SNTB2: variants seen among roughly 807,000 people sequenced by gnomAD.
SNTB2 encodes the protein beta-2-syntrophin.
SNTB2 carries 34 observed loss-of-function variants against 46.2 expected under a neutral mutation model. The ratio of observed to expected loss-of-function variants is 0.74; its 90% confidence interval spans 0.56 to 0.98. The LOEUF (loss-of-function observed/expected upper bound fraction) is 0.98. Ranked by LOEUF, SNTB2 falls within the 50% of genes least tolerant of loss-of-function variation. The pLI, the probability that SNTB2 is intolerant of heterozygous loss-of-function variation, is 0.00. For missense variants in SNTB2, 603 were observed against 731.4 expected (o/e 0.82, Z 2.02); for synonymous variants, 290 against 312.6 (o/e 0.93, Z 0.76).
At chr16:69,286,549 G>GCTAAATTTAGC in intron 5 of SNTB2, among the ~76,000 whole-genome samples, 1 of 152,068 alleles carries the variant, frequency 6.6e-6, no homozygotes, top group East Asian at 1.9e-4. Flanking sequence ...GCTGGGAGTG[G>GCTAAATTTAGC]TGACACACAT....
chr16:69,215,406 G>T (rs1215583805), intron 1 of SNTB2, among the ~76,000 whole-genome samples: 1 of 152,080 alleles, frequency 6.6e-6, no homozygotes. Context: ...AAAAAGAAAA[G>T]TGAGATGTTT....
chr16:69,192,263 G>A (rs952817879), intron 1 of SNTB2, among the ~76,000 whole-genome samples: 1 of 152,202 alleles, frequency 6.6e-6, no homozygotes, highest in African/African-American at 2.4e-5. Flanking sequence ...CAATTCAAGA[G>A]ATACTTTAAA....
At chr16:69,226,346 C>T (rs962593407) in intron 1 of SNTB2, among the ~76,000 whole-genome samples, 1 of 150,814 alleles carries the variant, frequency 6.6e-6, no homozygotes, top group Non-Finnish European at 1.5e-5. Context: ...GCTGGGATTA[C>T]AGGCGTGAGC....
At chr16:69,240,315 A>G (rs997968484) in intron 1 of SNTB2, among the ~76,000 whole-genome samples, 4 of 152,228 alleles carry the variant, frequency 2.6e-5, no homozygotes, top group Admixed American at 6.5e-5. Flanking sequence ...TTCAAGGTTC[A>G]TGTCACCAGA....
Position 69,307,986 on chromosome 16 carries a change from G to C in SNTB2, c.*7062G>C, listed in dbSNP as rs1015896991. The C allele has an allele frequency of 6.6e-6, 1 of 152,180 alleles. No individual in the cohort carries two copies. Among genetic ancestry groups the C allele is most frequent in the African/African-American group, 2.4e-5 (1 of 41,420 alleles). 9.4% of individuals were successfully genotyped at this position (152,180 alleles called of 1,614,324 possible). ...TGCCTTCCATTTATCTCTAGGGTTA[G>C]CTTTTCAGGCAACATCCTTGGTCAT... On this transcript the variant is annotated 3_prime_UTR_variant, in exon 7 of 7. Coordinates refer to ENST00000336278, the MANE Select transcript of SNTB2 (RefSeq NM_006750.4).
At chr16:69,265,112 G>A (rs962153518) in intron 3 of SNTB2, among the ~76,000 whole-genome samples, 1 of 152,084 alleles carries the variant, frequency 6.6e-6, no homozygotes, top group Non-Finnish European at 1.5e-5. Flanking sequence ...AGCTGGGTGT[G>A]GTGGCGGGCG....
At chr16:69,298,736 A>G (rs372422203) in intron 5 of SNTB2, among the ~76,000 whole-genome samples, 2 of 151,720 alleles carry the variant, frequency 1.3e-5, no homozygotes, top group East Asian at 1.9e-4. Context: ...TGGCCAGGCT[A>G]GTCTCTAACT....
chr16:69,287,862 A>AT (rs1965119811), intron 5 of SNTB2, among the ~76,000 whole-genome samples: 2 of 151,478 alleles, frequency 1.3e-5, no homozygotes, highest in East Asian at 2.0e-4. Flanking sequence ...CTGTCTCAAA[A>AT]AATATATATA....
At chr16:69,245,484 C>T (rs901400627) in intron 1 of SNTB2, 118 bp from the exon 2 acceptor site, 40 of 1,006,774 alleles carry the variant, frequency 4.0e-5, no homozygotes, top group East Asian at 2.4e-4. Flanking sequence ...AGTGAGCCAC[C>T]GCGCCCAGCT....
chr16:69,257,169 C>CAAA (rs35505662), intron 2 of SNTB2, among the ~76,000 whole-genome samples: 2 of 101,804 alleles, frequency 2.0e-5, no homozygotes, highest in Admixed American at 1.1e-4. Flanking sequence ...GACTCCATCT[C>CAAA]AAAAAAAAAA....
chr16:69,270,296 CTA>C lies in SNTB2; in HGVS notation c.1148+12_1148+13del. The C allele has an allele frequency of 5.6e-6, 9 of 1,613,820 alleles. No individual in the cohort carries two copies. Among genetic ancestry groups the C allele is most frequent in the Non-Finnish European group, 6.8e-6 (8 of 1,179,856 alleles). ...ACTTGTTGCCACCAGGTAAGTAAGA[CTA>C]AAGATAAGGAAGTAAAATATTTATC... On this transcript the variant is annotated intron_variant, in intron 4 of 6. Transcript: ENST00000336278.
At chr16:69,295,686 C>T (rs995477860) in intron 5 of SNTB2, among the ~76,000 whole-genome samples, 3 of 151,106 alleles carry the variant, frequency 2.0e-5, no homozygotes, top group East Asian at 1.9e-4. Context: ...GATGCTATCC[C>T]GTCAGAAAAG....
intron 1 of SNTB2, among the ~76,000 whole-genome samples, chr16:69,203,402 A>G (rs1964184934): frequency 6.6e-6 from 1 of 151,838 alleles, no homozygotes; most frequent in African/African-American, 2.4e-5. Flanking sequence ...TGGCATGATT[A>G]TAGCTCACTG....
At chr16:69,205,388 C>T (rs932644670) in intron 1 of SNTB2, among the ~76,000 whole-genome samples, 3 of 147,790 alleles carry the variant, frequency 2.0e-5, no homozygotes, top group Non-Finnish European at 4.4e-5. Flanking sequence ...GCAGTAGAGA[C>T]GGGGTTTCAC....
intron 1 of SNTB2, among the ~76,000 whole-genome samples, chr16:69,233,354 A>G (rs1286686678): frequency 2.0e-5 from 3 of 152,218 alleles, no homozygotes; most frequent in Non-Finnish European, 2.9e-5. Flanking sequence ...TTCAGACAAA[A>G]TAAAAGCATT....
At chr16:69,278,457 G>GGTTTTT (rs1567413087) in intron 4 of SNTB2, among the ~76,000 whole-genome samples, 1 of 140,310 alleles carries the variant, frequency 7.1e-6, no homozygotes, top group Non-Finnish European at 1.6e-5. Context: ...TTTTTGTAGG[G>GGTTTTT]TTTTTTTTTT....
At chr16:69,201,356 T>C (rs1964159540) in intron 1 of SNTB2, among the ~76,000 whole-genome samples, 1 of 152,204 alleles carries the variant, frequency 6.6e-6, no homozygotes, top group Non-Finnish European at 1.5e-5. Context: ...TAAAACTCTC[T>C]TAAATGTAGA....
intron 2 of SNTB2, among the ~76,000 whole-genome samples, chr16:69,257,206 A>T (rs1964785806): frequency 6.6e-6 from 1 of 151,666 alleles, no homozygotes; most frequent in Non-Finnish European, 1.5e-5. Context: ...TAATATTCAG[A>T]CCTAACCTGC....
intron 4 of SNTB2, among the ~76,000 whole-genome samples, chr16:69,281,088 C>G (rs927718373): frequency 4.6e-5 from 7 of 152,176 alleles, no homozygotes; most frequent in Admixed American, 4.6e-4. Context: ...AGCCACCGCG[C>G]CCGGCCTCAT....
Sources: gnomAD v4.1 joint callset for allele counts (sites outside exome capture counted in the v4.1 genomes callset) on GRCh38, gnomAD v4.1.1 for gene constraint, MANE v1.5 for transcripts, NCBI Gene and HGNC (gene_info 2026-07-23, HGNC 2026-07-21) for gene names.